The following PDK4 variants were observed in gnomAD, a reference collection of about 807,000 sequenced individuals.
PDK4 encodes pyruvate dehydrogenase kinase, isozyme 4.
PDK4 carries 43 observed loss-of-function variants against 51.7 expected under a neutral mutation model. The ratio of observed to expected loss-of-function variants is 0.83; its 90% CI spans 0.65 to 1.07. PDK4 has a LOEUF of 1.07. Ranked by LOEUF, PDK4 falls within the 50% of genes least tolerant of loss-of-function variation. The pLI is 0.00. For missense variants in PDK4, 498 were observed against 503.5 expected, an observed-to-expected ratio of 0.99 and a Z score of 0.10; for synonymous variants, 170 against 176.6, an observed-to-expected ratio of 0.96 and a Z score of 0.30.
intron 2 of PDK4, 159 bp downstream of exon 2, chr7:95,594,864 T>A (rs1791596445): frequency 4.6e-6 from 2 of 432,414 alleles, no homozygotes; most frequent in Non-Finnish European, 8.1e-6. Flanking sequence ...ACTTCTCTAA[T>A]GATAACTTAC....
intron 8 of PDK4, 36 bp downstream of exon 8, chr7:95,587,691 C>A (rs202019690): frequency 7.0e-7 from 1 of 1,436,886 alleles, no homozygotes. Context: ...TTAATTCTCT[C>A]AAGAGACACC....
Position 95,596,170 on chromosome 7 carries a change from C to T in PDK4, c.124G>A (p.Asp42Asn), listed in dbSNP as rs1311657055. The T allele has an allele frequency of 6.2e-7, 1 of 1,602,850 alleles. No homozygotes were observed. The highest frequency in any genetic ancestry group is 8.5e-7 in the Non-Finnish European group (1 of 1,175,120). The change falls in exon 1 of 11, where the codon GAC (aspartate) becomes AAC (asparagine). Residue 42 changes from aspartate (D) to asparagine (N), a missense_variant. Transcript: ENST00000005178. The stretch of plus-strand genomic sequence containing the variant: ...GCCCTGTGTCCCCTCTCACCAAAGT[C>T]CAGTAGCTGCTTCATGGACAGCGGG... The part of the protein sequence containing the change: ...PSPLSMKQLL[D>N]FGSENACERT...
chr7:95,595,547 G>A (rs1176541327), intron 1 of PDK4, among the ~76,000 whole-genome samples: 1 of 152,184 alleles, frequency 6.6e-6, no homozygotes, highest in Non-Finnish European at 1.5e-5. Flanking sequence ...TTGGAGTTGG[G>A]GGATAAGAGG....
chr7:95,592,977 C>A (rs1179337244), intron 3 of PDK4, 33 bp from the exon 4 acceptor site: 2 of 1,452,660 alleles, frequency 1.4e-6, no homozygotes, highest in South Asian at 1.3e-5. Flanking sequence ...AGTAAAAGTT[C>A]AAATACGTTT....
rs780763596 is a variant in PDK4, at chr7:95,586,991, T to C, written c.1095+19A>G. 2.3e-6 allele frequency: 3 copies of C among 1,331,040 alleles called. No individual in the cohort carries two copies. Among genetic ancestry groups the C allele is most frequent in the Middle Eastern group, 1.8e-4 (1 of 5,440 alleles). The allele number at this position is 1,331,040 out of a possible 1,614,324, so 82.5% of individuals were successfully genotyped here. A position where few individuals can be genotyped will look rare whatever the true frequency, so the allele number is the denominator to read the frequency against. ...AATGGTTTTAGAAACAGGATTTTGC[T>C]ATTGAATTCAAGGGATACCTTTAAG... On this transcript the variant is annotated intron_variant, in intron 10 of 10. Transcript: ENST00000005178.
chr7:95,592,352 T>TCTAAACTGAGAGGTTTTGAGAGTCACACC, intron 5 of PDK4, among the ~76,000 whole-genome samples, 159 bp downstream of exon 5: 1 of 152,164 alleles, frequency 6.6e-6, no homozygotes, highest in South Asian at 2.1e-4. Flanking sequence ...ATGTTTATAC[T>TCTAAACTGAGAGGTTTTGAGAGTCACACC]ACTGACTCTC....
rs1413521217 is a variant in PDK4, at chr7:95,583,609, T to C, written c.*2032A>G. On this transcript the variant is annotated 3_prime_UTR_variant, in exon 11 of 11. Coordinates refer to ENST00000005178, the MANE Select transcript of PDK4 (RefSeq NM_002612.4). ...TAATAATTTAAGTGGGCCTGAGTAT[T>C]CAGTATCCATCTACTAGAATCCTAA... 2 of 152,510 alleles carry C rather than the reference T, an allele frequency of 1.3e-5. No individual in the cohort carries two copies. The highest frequency in any genetic ancestry group is 6.5e-5 in the Admixed American group (1 of 15,278). The allele number at this position is 152,510 out of a possible 1,614,324, so 9.4% of individuals were successfully genotyped here.
In PDK4 at chr7:95,583,600, C is replaced by A. The variant is rs1175544937; in HGVS notation, c.*2041G>T. On this transcript the variant is annotated 3_prime_UTR_variant, in exon 11 of 11. Transcript: ENST00000005178. ...TGTATACATTAATAATTTAAGTGGG[C>A]CTGAGTATTCAGTATCCATCTACTA... 1 of 152,366 alleles carries A rather than the reference C, an allele frequency of 6.6e-6. No homozygotes were observed. The highest frequency in any genetic ancestry group is 1.5e-5 in the Non-Finnish European group (1 of 68,014). 9.4% of individuals were successfully genotyped at this position (152,366 alleles called of 1,614,324 possible).
chr7:95,590,766 T>C (rs1791542969), intron 6 of PDK4, among the ~76,000 whole-genome samples: 1 of 152,252 alleles, frequency 6.6e-6, no homozygotes, highest in Non-Finnish European at 1.5e-5. Context: ...AGATGTTTAC[T>C]TTAAATAGAA....
chr7:95,585,130 T>A lies in PDK4; in HGVS notation c.*511A>T, dbSNP rs982811860. On this transcript the variant is annotated 3_prime_UTR_variant, in exon 11 of 11. Transcript: ENST00000005178. Reference sequence around the variant, plus strand: ...TCTTTCAGAGTAAACCTTATTTTAGTCACCAGCATTTCCTTCCATAGCACA... The same window carrying A: ...TCTTTCAGAGTAAACCTTATTTTAGACACCAGCATTTCCTTCCATAGCACA... 2.6e-5 allele frequency: 4 copies of A among 152,276 alleles called. No homozygotes were observed. The highest frequency in any genetic ancestry group is 9.6e-5 in the African/African-American group (4 of 41,470). The allele number at this position is 152,276 out of a possible 1,614,324, so 9.4% of individuals were successfully genotyped here. A position where few individuals can be genotyped will look rare whatever the true frequency, so the allele number is the denominator to read the frequency against.
chr7:95,595,947 G>A (rs561668347), intron 1 of PDK4, among the ~76,000 whole-genome samples: 2 of 152,268 alleles, frequency 1.3e-5, no homozygotes, highest in South Asian at 2.1e-4. Context: ...ATCCAGCGTC[G>A]GCAGGCTTGC....
At position 95,587,009 on chromosome 7, in the gene PDK4, C is replaced by T. The variant is rs747864807; in HGVS notation, c.1095+1G>A. On this transcript the variant is annotated splice_donor_variant, in intron 10 of 10. Coordinates refer to ENST00000005178, the MANE Select transcript of PDK4 (RefSeq NM_002612.4). LOFTEE classifies it high-confidence loss of function. ...ATTTTGCTATTGAATTCAAGGGATA[C>T]CTTTAAGTAGATGATAGCATCTGTT... 17 of 1,498,914 alleles carry T rather than the reference C, an allele frequency of 1.1e-5. No individual in the cohort carries two copies. The East Asian group carries it at 3.8e-4, about 34-fold the overall frequency. The allele number at this position is 1,498,914 out of a possible 1,614,324, so 92.9% of individuals were successfully genotyped here.
intron 6 of PDK4, among the ~76,000 whole-genome samples, chr7:95,591,726 T>C (rs1043999155): frequency 3.5e-4 from 53 of 152,338 alleles, no homozygotes; most frequent in African/African-American, 1.0e-3. Flanking sequence ...ATCTAAGATA[T>C]TGGAATATAG....
chr7:95,591,299 T>C (rs1291470089), intron 6 of PDK4, among the ~76,000 whole-genome samples: 1 of 152,228 alleles, frequency 6.6e-6, no homozygotes, highest in East Asian at 1.9e-4. Flanking sequence ...TAGTGCAATT[T>C]TTTTTGTATT....
At chr7:95,591,885 A>G in intron 6 of PDK4, 103 bp downstream of exon 6, 1 of 648,240 alleles carries the variant, frequency 1.5e-6, no homozygotes, top group Non-Finnish European at 2.7e-6. Context: ...TTTAGGCAAG[A>G]GAAAAAATGA....
rs933486701 is a variant in PDK4 at position 95,587,294 on chromosome 7, T to C, written c.981+124A>G. The C allele has an allele frequency of 4.1e-6, 3 of 739,540 alleles. No individual in the cohort carries two copies. In the African/African-American group the frequency reaches 5.3e-5, roughly 13 times the overall value. 45.8% of individuals were successfully genotyped at this position (739,540 alleles called of 1,614,324 possible). ...CATTTTTAGCTTGCTTTATCATTCA[T>C]TCTTATATCCTTCATGTCTAATTTT... On this transcript the variant is annotated intron_variant, in intron 9 of 10. Transcript: ENST00000005178.
At chr7:95,586,879 A>G in intron 10 of PDK4, 131 bp downstream of exon 10, 3 of 581,244 alleles carry the variant, frequency 5.2e-6, no homozygotes, top group Non-Finnish European at 9.3e-6. Flanking sequence ...GAAAGAGAAG[A>G]GAATGAATGA....
rs1791473166 is a variant in PDK4, at chr7:95,585,737, C to T, written c.1140G>A (p.Lys380=). The T allele has an allele frequency of 2.5e-6, 4 of 1,603,586 alleles. No homozygotes were observed. Among genetic ancestry groups the T allele is most frequent in the Non-Finnish European group, 3.4e-6 (4 of 1,171,760 alleles). The change falls in exon 11 of 11, where the codon AAG becomes AAA. Residue 380 remains lysine, a synonymous_variant. Transcript: ENST00000005178. Reference sequence around the variant, plus strand: ...TCATCTGATAATGTTTGAAGGCTGACTTGTTAAAAACTGGAAGTTTTTCTA... The same window carrying T: ...TCATCTGATAATGTTTGAAGGCTGATTTGTTAAAAACTGGAAGTTTTTCTA... ...ESIEKLPVFN[K]SAFKHYQMSS...
Position 95,587,464 on chromosome 7 carries a change from G to T in PDK4, c.935C>A (p.Ser312Tyr). 2 of 1,611,548 alleles carry T rather than the reference G, an allele frequency of 1.2e-6. No individual in the cohort carries two copies. The highest frequency in any genetic ancestry group is 8.5e-7 in the Non-Finnish European group (1 of 1,177,642). ...IIDRLFSYTYSTAPTPVMDNS... is the reference protein window; with the variant it reads ...IIDRLFSYTYYTAPTPVMDNS... ...ATCCATCACAGGCGTTGGTGCAGTG[G>T]AGTATGTATAACTAAAGAGGCGGTC... The change falls in exon 9 of 11, where the codon TCC (serine) becomes TAC (tyrosine). Residue 312 changes from serine to tyrosine, a missense_variant. Transcript: ENST00000005178.
Sources: allele counts gnomAD v4.1 joint callset (sites outside exome capture counted in the v4.1 genomes callset), GRCh38; gene constraint gnomAD v4.1.1; transcripts MANE v1.5; gene names NCBI Gene and HGNC (gene_info 2026-07-23, HGNC 2026-07-21).